Variants in EPHA5 observed in about 807,000 individuals in gnomAD.
EPHA5 encodes the protein ephrin type-A receptor 5.
A neutral mutation model predicts 105.0 loss-of-function variants in EPHA5; 60 were observed. That is an observed-to-expected ratio of 0.57 (90% CI 0.46 to 0.71). The LOEUF is 0.71. EPHA5 is among the 30% of genes least tolerant of loss of function. The pLI is 0.00. For missense variants in EPHA5, 1,218 were observed against 1,274.7 expected (o/e 0.96, Z 0.68); for synonymous variants, 513 against 449.1 (o/e 1.14, Z -1.80).
chr4:65,576,047 AAAGAAAG>A (rs376145749), intron 3 of EPHA5, among the ~76,000 whole-genome samples: 27 of 108,594 alleles, frequency 2.5e-4, no homozygotes, highest in East Asian at 5.7e-4. Context: ...AGAAAGAAAG[AAAGAAAG>A]AAAGAAAAGA....
intron 3 of EPHA5, among the ~76,000 whole-genome samples, chr4:65,542,923 C>T (rs540013168): frequency 6.6e-6 from 1 of 152,094 alleles, no homozygotes; most frequent in East Asian, 1.9e-4. Flanking sequence ...TCAATATATG[C>T]AAATCAATAA....
intron 9 of EPHA5, among the ~76,000 whole-genome samples, chr4:65,366,448 A>G (rs1397874063): frequency 5.3e-5 from 8 of 151,788 alleles, no homozygotes; most frequent in African/African-American, 1.9e-4. Context: ...ATTAATTTTA[A>G]TTTTATGCAA....
intron 2 of EPHA5, among the ~76,000 whole-genome samples, chr4:65,637,569 C>CATATAT (rs34456844): frequency 0.073 from 8,195 of 112,190 alleles, 425 homozygotes; most frequent in Middle Eastern, 0.094. Context: ...ATGAGTTTTG[C>CATATAT]ATATATATAT....
chr4:65,481,091 C>G (rs1326252748), intron 5 of EPHA5, among the ~76,000 whole-genome samples: 1 of 152,092 alleles, frequency 6.6e-6, no homozygotes, highest in African/African-American at 2.4e-5. Context: ...TTTGGTGACT[C>G]AAATTCCACC....
intron 2 of EPHA5, among the ~76,000 whole-genome samples, chr4:65,623,839 T>C (rs191534595): frequency 9.8e-4 from 150 of 152,298 alleles, no homozygotes; most frequent in African/African-American, 3.5e-3. Flanking sequence ...TTATACAGGA[T>C]ATGTGTCTCA....
chr4:65,543,176 C>G (rs1027454914), intron 3 of EPHA5, among the ~76,000 whole-genome samples: 1 of 152,010 alleles, frequency 6.6e-6, no homozygotes, highest in African/African-American at 2.4e-5. Context: ...CAAGGATGCC[C>G]TCTCTCAAAA....
chr4:65,545,898 T>C (rs139962134), intron 3 of EPHA5, among the ~76,000 whole-genome samples: 446 of 152,058 alleles, frequency 2.9e-3, no homozygotes, highest in African/African-American at 0.01. Context: ...TGCATGAGTC[T>C]ATTTTAAAGC....
intron 1 of EPHA5, among the ~76,000 whole-genome samples, chr4:65,659,348 A>C (rs1033681228): frequency 2.3e-4 from 26 of 112,190 alleles, no homozygotes; most frequent in Middle Eastern, 5.4e-3. Flanking sequence ...AAAAAAAAAA[A>C]AAAAAAAAAA....
Position 65,484,805 on chromosome 4 carries a change from TACAC to T in EPHA5, c.1402+5568_1402+5571del, listed in dbSNP as rs35897436. ...GTATATATTTATAGAAAAACATAAA[TACAC>T]ACTATTTTGTAAAAAGATAAAGAAA... On this transcript the variant is annotated intron_variant, in intron 5 of 16. Coordinates refer to ENST00000613740, the MANE Select transcript of EPHA5 (RefSeq NM_001281766.3). 7.3e-3 allele frequency among the ~76,000 whole-genome samples: 1,116 copies of T among 152,200 alleles called. 14 individuals carry two copies. Among genetic ancestry groups the T allele is most frequent in the African/African-American group, 0.026 (1,074 of 41,550 alleles).
intron 1 of EPHA5, among the ~76,000 whole-genome samples, chr4:65,663,215 T>A (rs2149553892): frequency 1.3e-5 from 2 of 152,242 alleles, no homozygotes; most frequent in African/African-American, 4.8e-5. Flanking sequence ...GACACTTTTT[T>A]AAAAGAGGTT....
intron 11 of EPHA5, among the ~76,000 whole-genome samples, chr4:65,359,103 G>T (rs941088955): frequency 3.3e-5 from 5 of 151,562 alleles, no homozygotes; most frequent in Admixed American, 2.6e-4. Context: ...CTGTCAATCT[G>T]CAAGTCAGCA....
At chr4:65,530,952 G>T (rs1252319148) in intron 3 of EPHA5, among the ~76,000 whole-genome samples, 7 of 152,088 alleles carry the variant, frequency 4.6e-5, no homozygotes, top group African/African-American at 1.7e-4. Flanking sequence ...GTCGTATGTT[G>T]CTTCCAGGAA....
intron 3 of EPHA5, among the ~76,000 whole-genome samples, chr4:65,560,936 T>A (rs567382221): frequency 6.6e-6 from 1 of 152,206 alleles, no homozygotes; most frequent in South Asian, 2.1e-4. Flanking sequence ...TTTTTGAGGA[T>A]CCTCTGTCCA....
intron 1 of EPHA5, among the ~76,000 whole-genome samples, chr4:65,656,425 G>A (rs924748145): frequency 5.3e-5 from 8 of 151,076 alleles, no homozygotes; most frequent in African/African-American, 1.9e-4. Context: ...ATGATAGTGA[G>A]ATTTTCTTGA....
chr4:65,498,818 GA>G (rs945554273), intron 3 of EPHA5, among the ~76,000 whole-genome samples: 58 of 151,250 alleles, frequency 3.8e-4, no homozygotes, highest in African/African-American at 9.9e-4. Flanking sequence ...TGTTTAGAGA[GA>G]AAAAAAACCT....
intron 3 of EPHA5, among the ~76,000 whole-genome samples, chr4:65,537,336 T>TA (rs1460251983): frequency 6.6e-6 from 1 of 151,742 alleles, no homozygotes; most frequent in African/African-American, 2.4e-5. Context: ...AGATATTTTG[T>TA]AAAAAATTAC....
intron 6 of EPHA5, among the ~76,000 whole-genome samples, chr4:65,414,991 A>C (rs552899603): frequency 6.6e-6 from 1 of 152,354 alleles, no homozygotes; most frequent in East Asian, 1.9e-4. Flanking sequence ...GAAAGCATTA[A>C]AGAAAAATGC....
chr4:65,386,571 A>G (rs1720110746), intron 8 of EPHA5, among the ~76,000 whole-genome samples: 1 of 152,026 alleles, frequency 6.6e-6, no homozygotes, highest in African/African-American at 2.4e-5. Context: ...CTCTCAAACA[A>G]TAACAGTTAT....
At chr4:65,489,513 T>C (rs749565275) in intron 5 of EPHA5, among the ~76,000 whole-genome samples, 4 of 152,144 alleles carry the variant, frequency 2.6e-5, no homozygotes, top group Non-Finnish European at 4.4e-5. Context: ...TAGAGGAAAG[T>C]TACAACTTTT....
Sources: allele counts gnomAD v4.1 joint callset (sites outside exome capture counted in the v4.1 genomes callset), GRCh38; gene constraint gnomAD v4.1.1; transcripts MANE v1.5; gene names NCBI Gene and HGNC (gene_info 2026-07-23, HGNC 2026-07-21).